RALY: variants seen among roughly 807,000 people sequenced by gnomAD.
RALY encodes RALY heterogeneous nuclear ribonucleoprotein.
In RALY, 15 loss-of-function variants were observed where a neutral mutation model predicts 30.7. The ratio of observed to expected loss-of-function variants is 0.49; its 90% CI spans 0.33 to 0.75. RALY has a LOEUF of 0.75. RALY is among the 30% of genes least tolerant of loss of function. RALY has a pLI of 0.02. For missense variants in RALY, 339 were observed against 414.3 expected (o/e 0.82, Z 1.58); for synonymous variants, 177 against 170.8 (o/e 1.04, Z -0.28).
intron 1 of RALY, among the ~76,000 whole-genome samples, chr20:34,014,328 A>AC (rs1277344414): frequency 6.6e-6 from 1 of 152,230 alleles, no homozygotes; most frequent in Admixed American, 6.5e-5. Flanking sequence ...TCATAATTTT[A>AC]AAATATGGGA....
intron 1 of RALY, among the ~76,000 whole-genome samples, chr20:34,009,543 A>G (rs375541534): frequency 1.3e-5 from 2 of 152,072 alleles, no homozygotes; most frequent in Non-Finnish European, 2.9e-5. Flanking sequence ...AGCCTCTACC[A>G]GGGTTGTTAT....
Position 34,077,114 on chromosome 20 carries a change from G to A in RALY, c.745G>A (p.Gly249Ser), listed in dbSNP as rs1384810585. The A allele has an allele frequency of 1.2e-6, 2 of 1,604,870 alleles. No homozygotes were observed. Among genetic ancestry groups the A allele is most frequent in the Non-Finnish European group, 1.7e-6 (2 of 1,175,236 alleles). Residue 249 changes from glycine to serine, a missense_variant, in exon 8 of 10, where the codon GGC (glycine) becomes AGC (serine). Physicochemically the swap from Gly to Ser is moderately conservative, Grantham distance 56 (BLOSUM62 0). Transcript: ENST00000246194. ...TGGCGGTGGCAGTGGTGGTGGCGGTGGCGGTGGCAGCAGCCGGCCACCAGC... is the reference window on the plus strand; with the variant it reads ...TGGCGGTGGCAGTGGTGGTGGCGGTAGCGGTGGCAGCAGCCGGCCACCAGC... Reference protein sequence around the residue: ...SGGGGSGGGGGGGSSRPPAPQ... With the variant: ...SGGGGSGGGGSGGSSRPPAPQ...
At chr20:34,039,303 G>T (rs927702359) in intron 2 of RALY, among the ~76,000 whole-genome samples, 16 of 152,244 alleles carry the variant, frequency 1.1e-4, no homozygotes, top group Non-Finnish European at 2.1e-4. Context: ...GATCATAATG[G>T]CCTAGAAGGT....
At chr20:34,038,750 T>A (rs1445525711) in intron 2 of RALY, among the ~76,000 whole-genome samples, 1 of 152,222 alleles carries the variant, frequency 6.6e-6, no homozygotes, top group Non-Finnish European at 1.5e-5. Flanking sequence ...ATTTTCTGTG[T>A]GACTAACTTC....
At chr20:33,994,550 C>A (rs998686110) in intron 1 of RALY, among the ~76,000 whole-genome samples, 11 of 152,246 alleles carry the variant, frequency 7.2e-5, no homozygotes, top group Non-Finnish European at 1.5e-4. Flanking sequence ...CGGCTGCTTC[C>A]GGCTCTCCTA....
intron 2 of RALY, among the ~76,000 whole-genome samples, chr20:34,059,883 C>T (rs1368870586): frequency 6.6e-6 from 1 of 152,196 alleles, no homozygotes; most frequent in African/African-American, 2.4e-5. Context: ...GGAGCCCAAT[C>T]TGCTCTAGAG....
chr20:34,077,477 G>A (rs2033926012), intron 8 of RALY: 8 of 870,354 alleles, frequency 9.2e-6, no homozygotes, highest in South Asian at 3.6e-5. Flanking sequence ...CCCCAAATGC[G>A]GGCACATTCT....
At chr20:34,049,616 A>C (rs764781320) in intron 2 of RALY, among the ~76,000 whole-genome samples, 19 of 152,238 alleles carry the variant, frequency 1.2e-4, no homozygotes, top group Non-Finnish European at 2.2e-4. Flanking sequence ...ACTGATGAGA[A>C]GACAGACAAC....
At chr20:34,071,038 A>G (rs2033711255) in intron 2 of RALY, among the ~76,000 whole-genome samples, 1 of 152,084 alleles carries the variant, frequency 6.6e-6, no homozygotes, top group Admixed American at 6.5e-5. Context: ...ACGTCTAAAC[A>G]CCAGATCTCA....
chr20:34,008,958 C>CT (rs148014481), intron 1 of RALY, among the ~76,000 whole-genome samples: 4,869 of 152,184 alleles, frequency 0.032, 100 homozygotes, highest in Middle Eastern at 0.086. Flanking sequence ...CACCTAGCCT[C>CT]TATTTTTATT....
intron 1 of RALY, among the ~76,000 whole-genome samples, chr20:34,030,649 A>T (rs571852820): frequency 2.0e-5 from 3 of 152,274 alleles, no homozygotes; most frequent in South Asian, 4.1e-4. Context: ...TTACCACTTG[A>T]CTTATTTTGA....
intron 1 of RALY, among the ~76,000 whole-genome samples, chr20:33,997,726 A>G (rs191576326): frequency 1.1e-3 from 167 of 152,282 alleles, no homozygotes; most frequent in Non-Finnish European, 2.0e-3. Flanking sequence ...TAGCCTTTCA[A>G]AATGCCCTTT....
intron 2 of RALY, among the ~76,000 whole-genome samples, chr20:34,062,575 G>A (rs2033449233): frequency 6.6e-6 from 1 of 152,232 alleles, no homozygotes; most frequent in African/African-American, 2.4e-5. Flanking sequence ...GCCCTGCCAG[G>A]CCTGAGTAAT....
chr20:33,998,689 G>A (rs2122962228), intron 1 of RALY, among the ~76,000 whole-genome samples: 1 of 152,242 alleles, frequency 6.6e-6, no homozygotes, highest in East Asian at 1.9e-4. Context: ...TGTGCATTTT[G>A]GAAGGATATC....
At chr20:34,048,486 T>A (rs1042533999) in intron 2 of RALY, among the ~76,000 whole-genome samples, 3 of 152,180 alleles carry the variant, frequency 2.0e-5, no homozygotes, top group African/African-American at 7.2e-5. Flanking sequence ...AACTGGGACT[T>A]GCTCAAGATC....
chr20:34,036,447 TATA>T (rs1434581336), intron 2 of RALY, among the ~76,000 whole-genome samples: 3 of 152,228 alleles, frequency 2.0e-5, no homozygotes, highest in Non-Finnish European at 4.4e-5. Context: ...GGTTGTAGTG[TATA>T]ATCCTTTTTA....
intron 2 of RALY, among the ~76,000 whole-genome samples, chr20:34,032,504 G>C (rs2032321672): frequency 7.2e-5 from 5 of 69,356 alleles, no homozygotes; most frequent in Admixed American, 6.6e-4. Flanking sequence ...ATCCCTTTTT[G>C]TGTGTTGGGG....
At chr20:34,055,606 A>G (rs2033217752) in intron 2 of RALY, among the ~76,000 whole-genome samples, 1 of 152,210 alleles carries the variant, frequency 6.6e-6, no homozygotes, top group Admixed American at 6.5e-5. Flanking sequence ...ATTCACAGTC[A>G]GTCTGGGAGG....
chr20:34,063,271 G>A (rs2033468785), intron 2 of RALY, among the ~76,000 whole-genome samples: 3 of 152,178 alleles, frequency 2.0e-5, no homozygotes, highest in Non-Finnish European at 2.9e-5. Context: ...AGTACCTTTT[G>A]TGGTCACATG....
Sources: gnomAD v4.1 joint callset for allele counts (sites outside exome capture counted in the v4.1 genomes callset) on GRCh38, gnomAD v4.1.1 for gene constraint, MANE v1.5 for transcripts, NCBI Gene and HGNC (gene_info 2026-07-23, HGNC 2026-07-21) for gene names.